Variants in EPM2A observed in about 807,000 individuals in gnomAD.
EPM2A encodes the protein EPM2A glucan phosphatase, laforin, also known as laforin.
Under a neutral mutation model 26.5 loss-of-function variants are expected in EPM2A, and 21 were observed. The ratio of observed to expected loss-of-function variants is 0.79; its 90% CI spans 0.56 to 1.14. The LOEUF (loss-of-function observed/expected upper bound fraction) is 1.14. EPM2A is among the 50% of genes most tolerant of loss of function. The probability of loss-of-function intolerance (pLI) is 0.00; values close to 1 mark genes in which losing one functional copy is unlikely to be tolerated. For missense variants in EPM2A, 458 were observed against 440.8 expected (o/e 1.04, Z -0.35); for synonymous variants, 217 against 177.6 (o/e 1.22, Z -1.76).
Position 145,686,200 on chromosome 6 carries a change from G to GTGGCC in EPM2A, c.393_397dup (p.Thr133ArgfsTer9). 1 of 1,613,764 alleles carries GTGGCC rather than the reference G, an allele frequency of 6.2e-7. No individual in the cohort carries two copies. Among genetic ancestry groups the GTGGCC allele is most frequent in the Non-Finnish European group, 8.5e-7 (1 of 1,179,738 alleles). On this transcript the variant is annotated frameshift_variant, in exon 2 of 4. Transcript: ENST00000367519. LOFTEE classifies it high-confidence loss of function. ...GTGCTTCATTTCATTGGTGTGCCCA[G>GTGGCC]TGGCCTCAATCCAGTGTCCTATTGG...
chr6:145,554,467 G>GATAGATAC (rs1465942502), intron 2 of EPM2A, among the ~76,000 whole-genome samples: 1 of 145,302 alleles, frequency 6.9e-6, no homozygotes, highest in African/African-American at 2.5e-5. Flanking sequence ...TAGATAGATA[G>GATAGATAC]ATACATAGAC....
At chr6:145,509,443 T>C (rs1239702924) in intron 2 of EPM2A, among the ~76,000 whole-genome samples, 1 of 152,180 alleles carries the variant, frequency 6.6e-6, no homozygotes. Flanking sequence ...TTTAGCATTT[T>C]TAAAGAAAAG....
At chr6:145,612,015 C>T (rs952999027) in intron 2 of EPM2A, among the ~76,000 whole-genome samples, 1 of 152,104 alleles carries the variant, frequency 6.6e-6, no homozygotes, top group African/African-American at 2.4e-5. Context: ...AGACAATCCT[C>T]CAATATTTGT....
chr6:145,459,178 T>C (rs1251985005), intron 4 of EPM2A, among the ~76,000 whole-genome samples: 1 of 152,076 alleles, frequency 6.6e-6, no homozygotes, highest in Non-Finnish European at 1.5e-5. Context: ...ATGTAGCCAA[T>C]GGGCAAAGAG....
intron 2 of EPM2A, among the ~76,000 whole-genome samples, chr6:145,539,708 C>G (rs1489892581): frequency 6.6e-6 from 1 of 152,172 alleles, no homozygotes; most frequent in Non-Finnish European, 1.5e-5. Context: ...AAAAGTCAAA[C>G]TTAATTGTAT....
At chr6:145,669,294 G>C (rs962261140) in intron 2 of EPM2A, among the ~76,000 whole-genome samples, 7 of 152,114 alleles carry the variant, frequency 4.6e-5, no homozygotes, top group Non-Finnish European at 1.0e-4. Flanking sequence ...GGTAACAGCA[G>C]AATTAATTCT....
At position 145,542,149 on chromosome 6, in the gene EPM2A, G is replaced by C. The variant is rs1780521239; in HGVS notation, c.341-39574C>G. On this transcript the variant is annotated intron_variant, in intron 2 of 3. Coordinates refer to the EPM2A transcript ENST00000450221. ...TCTTCACGAGCATATAGGCACTAAAGCTTCTGAATATTTCTTCACCATGAA... is the reference window on the plus strand; with the variant it reads ...TCTTCACGAGCATATAGGCACTAAACCTTCTGAATATTTCTTCACCATGAA... Among the ~76,000 whole-genome samples the C allele has an allele frequency of 2.0e-5, 3 of 152,208 alleles. No homozygotes were observed. The South Asian group carries it at 6.2e-4, about 32-fold the overall frequency.
At chr6:145,686,434 A>G in intron 1 of EPM2A, 138 bp from the exon 2 acceptor site, 1 of 717,726 alleles carries the variant, frequency 1.4e-6, no homozygotes, top group Non-Finnish European at 2.3e-6. Context: ...AGTATAAACA[A>G]AAAAGACTAG....
intron 1 of EPM2A, among the ~76,000 whole-genome samples, chr6:145,709,197 A>G (rs1376395970): frequency 6.6e-6 from 1 of 152,166 alleles, no homozygotes; most frequent in Non-Finnish European, 1.5e-5. Context: ...TATTAAAATG[A>G]GTTAAGACTT....
intron 2 of EPM2A, among the ~76,000 whole-genome samples, chr6:145,517,224 T>C (rs1780140434): frequency 1.3e-5 from 2 of 152,310 alleles, no homozygotes; most frequent in East Asian, 1.9e-4. Flanking sequence ...TCAACATGTA[T>C]GAAGTTTTAT....
At chr6:145,532,155 T>G (rs2114784759) in intron 2 of EPM2A, among the ~76,000 whole-genome samples, 1 of 152,306 alleles carries the variant, frequency 6.6e-6, no homozygotes, top group Non-Finnish European at 1.5e-5. Flanking sequence ...AATGACTGCC[T>G]CGCCTAACAG....
At chr6:145,489,031 C>T (rs1220410934) in intron 4 of EPM2A, among the ~76,000 whole-genome samples, 12 of 152,238 alleles carry the variant, frequency 7.9e-5, no homozygotes, top group East Asian at 7.7e-4. Flanking sequence ...GGTTTTGAAA[C>T]GGCACATGGG....
At chr6:145,686,442 T>A in intron 1 of EPM2A, 146 bp from the exon 2 acceptor site, 1 of 699,590 alleles carries the variant, frequency 1.4e-6, no homozygotes. Context: ...CAAAAAAGAC[T>A]AGAGTGAAAA....
Position 145,616,202 on chromosome 6 carries a change from C to T in EPM2A, c.340+19043G>A, listed in dbSNP as rs528664847. Among the ~76,000 whole-genome samples, 7 of 152,324 alleles carry T rather than the reference C, an allele frequency of 4.6e-5. 1 individual carries two copies. The highest frequency in any genetic ancestry group is 1.7e-4 in the African/African-American group (7 of 41,572). ...CTATGTGCAGCCTAGAAATGTGATG[C>T]CCTGCATCCCAGCTGTTCCAGCCAT... On this transcript the variant is annotated intron_variant, in intron 2 of 3. Transcript: ENST00000450221.
intron 2 of EPM2A, among the ~76,000 whole-genome samples, chr6:145,579,927 TATA>T: frequency 6.6e-6 from 1 of 152,310 alleles, no homozygotes; most frequent in Admixed American, 6.5e-5. Context: ...CAAGTGATAT[TATA>T]ATAATTCACA....
chr6:145,638,320 GAAATCAGAGTCAGCATATCCC>G (rs1219939881), intron 2 of EPM2A: 6 of 152,198 alleles, frequency 3.9e-5, no homozygotes, highest in Non-Finnish European at 4.4e-5. Flanking sequence ...TGCAATATAA[GAAATCAGAGTCAGCATATCCC>G]AAATCAGAGT....
chr6:145,711,356 C>T (rs1482506984), intron 1 of EPM2A, among the ~76,000 whole-genome samples: 1 of 152,318 alleles, frequency 6.6e-6, no homozygotes, highest in African/African-American at 2.4e-5. Flanking sequence ...CGTTTCCACA[C>T]ACTTGAATGA....
At chr6:145,472,480 A>T (rs147860227) in intron 4 of EPM2A, among the ~76,000 whole-genome samples, 1 of 152,156 alleles carries the variant, frequency 6.6e-6, no homozygotes, top group Non-Finnish European at 1.5e-5. Flanking sequence ...TAATTCCAGG[A>T]CTTGACCTGT....
chr6:145,421,766 G>C (rs1255177081), intron 4 of EPM2A, among the ~76,000 whole-genome samples: 2 of 151,592 alleles, frequency 1.3e-5, no homozygotes, highest in African/African-American at 2.4e-5. Flanking sequence ...ATCTATAAGA[G>C]ATATATTTTA....
Sources: gnomAD v4.1 joint callset for allele counts (sites outside exome capture counted in the v4.1 genomes callset) on GRCh38, gnomAD v4.1.1 for gene constraint, MANE v1.5 for transcripts, NCBI Gene and HGNC (gene_info 2026-07-23, HGNC 2026-07-21) for gene names.